OPCML: variants seen among roughly 807,000 people sequenced by gnomAD.
OPCML encodes the protein opioid-binding protein/cell adhesion molecule.
In OPCML, 13 loss-of-function variants were observed where a neutral mutation model predicts 37.8. The observed-to-expected ratio is 0.34, with a 90% confidence interval of 0.22 to 0.55. The LOEUF (loss-of-function observed/expected upper bound fraction) is 0.55, where lower values mean the gene tolerates loss of function less well. Among genes scored for constraint, OPCML ranks in the 20% least tolerant of loss-of-function variants. The pLI is 0.91. For missense variants in OPCML, 341 were observed against 435.6 expected, an observed-to-expected ratio of 0.78 and a Z score of 1.93; for synonymous variants, 176 against 168.8, an observed-to-expected ratio of 1.04 and a Z score of -0.33.
rs186292692 is a variant in OPCML, at chr11:133,504,493, T to C, written c.61+27771A>G. 3.3e-3 allele frequency among the ~76,000 whole-genome samples: 495 copies of C among 152,304 alleles called. 4 individuals are homozygous for C. The highest frequency in any genetic ancestry group is 0.011 in the African/African-American group (465 of 41,564). On this transcript the variant is annotated intron_variant, in intron 1 of 7. Coordinates refer to ENST00000524381, the MANE Select transcript of OPCML (RefSeq NM_001012393.5). ...CCCTGGCATGATGGAAGGACAGAGA[T>C]GGATACAGAAATGCCATCAGTAAAA...
At chr11:132,883,914 C>G (rs1012086403) in intron 2 of OPCML, among the ~76,000 whole-genome samples, 28 of 152,088 alleles carry the variant, frequency 1.8e-4, no homozygotes, top group African/African-American at 6.3e-4. Context: ...ATTCAATATG[C>G]CTCACATGTT....
At position 132,565,617 on chromosome 11, in the gene OPCML, C is replaced by T. The variant is rs1021719712; in HGVS notation, c.380-36431G>A. On this transcript the variant is annotated intron_variant, in intron 3 of 7. Transcript: ENST00000524381. ...TCAAACCACCCCAGTCTGCGACTGA[C>T]AGTTCTCAATGCTTACAAGAAGCTC... is the stretch of plus-strand genomic sequence containing the variant. Among the ~76,000 whole-genome samples the T allele has an allele frequency of 2.0e-5, 3 of 152,240 alleles. No homozygotes were observed. The East Asian group carries it at 5.8e-4, about 29-fold the overall frequency.
In OPCML at chr11:133,249,747, C is replaced by G. The variant is rs149762095; in HGVS notation, c.61+282517G>C. Among the ~76,000 whole-genome samples, 230 of 152,354 alleles carry G rather than the reference C, an allele frequency of 1.5e-3. 5 individuals carry two copies. Among genetic ancestry groups the G allele is most frequent in the Middle Eastern group, 0.01 (3 of 294 alleles). Reference sequence around the variant, plus strand: ...TGATTCGAAGAAGACAGCTCAGTAGCAATTCCATCAGCATTAAGTGGTTCT... The same window carrying G: ...TGATTCGAAGAAGACAGCTCAGTAGGAATTCCATCAGCATTAAGTGGTTCT... On this transcript the variant is annotated intron_variant, in intron 1 of 7. Transcript: ENST00000524381.
At chr11:133,015,035 G>T (rs1352244522) in intron 1 of OPCML, among the ~76,000 whole-genome samples, 3 of 152,134 alleles carry the variant, frequency 2.0e-5, no homozygotes, top group Non-Finnish European at 4.4e-5. Context: ...ATTAAAGTTA[G>T]CAAACACAGT....
In OPCML at chr11:133,208,151, T is replaced by A. The variant is rs1278240782; in HGVS notation, c.62-265141A>T. ...TTATTTAGCTGTTGGTCTTCCTTAC[T>A]GTATTATACATTATGCTGGGGAAGG... On this transcript the variant is annotated intron_variant, in intron 1 of 7. Coordinates refer to ENST00000524381, the MANE Select transcript of OPCML (RefSeq NM_001012393.5). The surrounding 1 kb of genome is among the most constrained non-coding windows in gnomAD (Gnocchi z 8.9). Among the ~76,000 whole-genome samples, 2 of 152,224 alleles carry A rather than the reference T, an allele frequency of 1.3e-5. No individual in the cohort carries two copies. Among genetic ancestry groups the A allele is most frequent in the Non-Finnish European group, 2.9e-5 (2 of 68,032 alleles).
intron 2 of OPCML, among the ~76,000 whole-genome samples, chr11:132,745,828 G>A (rs1373062930): frequency 1.3e-5 from 2 of 152,166 alleles, no homozygotes; most frequent in Non-Finnish European, 2.9e-5. Context: ...CTCCATGACT[G>A]GGATAGAGTG....
intron 2 of OPCML, among the ~76,000 whole-genome samples, chr11:132,869,389 A>G (rs1942707342): frequency 6.6e-6 from 1 of 152,190 alleles, no homozygotes; most frequent in African/African-American, 2.4e-5. Flanking sequence ...GTGGGAACAC[A>G]TAGCTTATAT....
Position 133,532,273 on chromosome 11 carries a change from A to G in OPCML, c.52T>C (p.Phe18Leu). Residue 18 changes from phenylalanine (F) to leucine (L), a missense_variant, in exon 1 of 8, where the codon TTC (phenylalanine) becomes CTC (leucine). By Grantham distance (22) the Phe-to-Leu change is conservative. Coordinates refer to ENST00000524381, the MANE Select transcript of OPCML (RefSeq NM_001012393.5). ...VVFSATTALL[F>L]IPGVPVRSGD... ...TTCCCCTGTACGGTACCTGGGATGAAGAGCAGGGCAGTTGTCGCCGAGAAG... is the reference window on the plus strand; with the variant it reads ...TTCCCCTGTACGGTACCTGGGATGAGGAGCAGGGCAGTTGTCGCCGAGAAG... 1.2e-6 allele frequency: 2 copies of G among 1,613,986 alleles called. No homozygotes were observed. Among genetic ancestry groups the G allele is most frequent in the South Asian group, 1.1e-5 (1 of 91,008 alleles).
intron 2 of OPCML, among the ~76,000 whole-genome samples, chr11:132,917,579 T>G (rs910171360): frequency 1.3e-5 from 2 of 152,136 alleles, no homozygotes; most frequent in Non-Finnish European, 2.9e-5. Flanking sequence ...AGAAGAAAAT[T>G]AACAGTGTTC....
At position 133,174,951 on chromosome 11, in the gene OPCML, A is replaced by T. The variant is rs1340859628; in HGVS notation, c.62-231941T>A. 6.6e-6 allele frequency among the ~76,000 whole-genome samples: 1 copy of T among 152,206 alleles called. No individual in the cohort carries two copies. The highest frequency in any genetic ancestry group is 6.5e-5 in the Admixed American group (1 of 15,288). On this transcript the variant is annotated intron_variant, in intron 1 of 7. Coordinates refer to ENST00000524381, the MANE Select transcript of OPCML (RefSeq NM_001012393.5). This position sits in a 1 kb window ranked among gnomAD's most constrained non-coding sequence, Gnocchi z 4.6. ...ACTCCTGTCTCTACAAAAAATTTTTAAAAAGTAACTGTACATGGTGTTGCA... is the reference window on the plus strand; with the variant it reads ...ACTCCTGTCTCTACAAAAAATTTTTTAAAAGTAACTGTACATGGTGTTGCA...
At chr11:133,048,847 C>G (rs115124306) in intron 1 of OPCML, among the ~76,000 whole-genome samples, 2,940 of 152,284 alleles carry the variant, frequency 0.019, 56 homozygotes, top group African/African-American at 0.054. Flanking sequence ...CAGAATGCCA[C>G]TGTACATAAT....
intron 3 of OPCML, among the ~76,000 whole-genome samples, chr11:132,570,121 C>T (rs9645676): frequency 1.3e-5 from 2 of 152,066 alleles, no homozygotes; most frequent in African/African-American, 4.8e-5. Context: ...TCATAAATAA[C>T]GGGTTCAATA....
chr11:133,356,963 C>A (rs1027750034), intron 1 of OPCML, among the ~76,000 whole-genome samples: 2 of 152,326 alleles, frequency 1.3e-5, no homozygotes, highest in African/African-American at 4.8e-5. Context: ...AACTAGACAA[C>A]TAGCTAATCC....
At chr11:132,639,475 C>G (rs1940715438) in intron 3 of OPCML, among the ~76,000 whole-genome samples, 1 of 152,210 alleles carries the variant, frequency 6.6e-6, no homozygotes, top group Admixed American at 6.5e-5. Context: ...TCCCATAAAT[C>G]GCACTTATGC....
chr11:133,057,239 C>G (rs960485924), intron 1 of OPCML, among the ~76,000 whole-genome samples: 2 of 152,236 alleles, frequency 1.3e-5, no homozygotes, highest in Non-Finnish European at 2.9e-5. Context: ...AAATACTTGG[C>G]TCCAGAGTCT....
chr11:132,441,781 G>T (rs1429002318), intron 4 of OPCML, among the ~76,000 whole-genome samples: 1 of 152,186 alleles, frequency 6.6e-6, no homozygotes, highest in Admixed American at 6.5e-5. Flanking sequence ...TACAAATGAG[G>T]CCATTCATCC....
At chr11:133,280,496 GC>G (rs1942115069) in intron 1 of OPCML, among the ~76,000 whole-genome samples, 2 of 152,144 alleles carry the variant, frequency 1.3e-5, no homozygotes, top group South Asian at 4.1e-4. Context: ...CACCTACTCT[GC>G]CCTCCCCATT....
At chr11:132,899,213 C>T (rs1003087462) in intron 2 of OPCML, among the ~76,000 whole-genome samples, 1 of 152,058 alleles carries the variant, frequency 6.6e-6, no homozygotes, top group African/African-American at 2.4e-5. Flanking sequence ...CCAGCTGTGG[C>T]CATGTGACTA....
rs1946762432 is a variant in OPCML, at chr11:133,458,550, T to TGTGTATACACATATATACAC, written c.61+73713_61+73714insGTGTATATATGTGTATACAC. ...GTGTGTGTATACACATATATACACG[T>TGTGTATACACATATATACAC]GTGTGTGTATACACATATATACACG... is the stretch of plus-strand genomic sequence containing the variant. On this transcript the variant is annotated intron_variant, in intron 1 of 7. Coordinates refer to ENST00000524381, the MANE Select transcript of OPCML (RefSeq NM_001012393.5). Among the ~76,000 whole-genome samples, 2 of 79,242 alleles carry TGTGTATACACATATATACAC rather than the reference T, an allele frequency of 2.5e-5. 1 individual carries two copies. Among genetic ancestry groups the TGTGTATACACATATATACAC allele is most frequent in the Non-Finnish European group, 4.5e-5 (2 of 44,256 alleles). 52.0% of individuals were successfully genotyped at this position (79,242 alleles called of 152,430 possible).
Sources: gnomAD v4.1 joint callset for allele counts (sites outside exome capture counted in the v4.1 genomes callset) on GRCh38, gnomAD v4.1.1 for gene constraint, Gnocchi (gnomAD v3.1) non-coding constraint, MANE v1.5 for transcripts, NCBI Gene and HGNC (gene_info 2026-07-23, HGNC 2026-07-21) for gene names.